The following CYYR1 variants were observed in gnomAD, a reference collection of about 807,000 sequenced individuals.
CYYR1 encodes the protein cysteine and tyrosine-rich protein 1.
In CYYR1, 14 loss-of-function variants were observed where a neutral mutation model predicts 15.2. The ratio of observed to expected loss-of-function variants is 0.92; its 90% CI spans 0.61 to 1.44. The LOEUF (loss-of-function observed/expected upper bound fraction) is 1.44. Ranked by LOEUF, CYYR1 falls within the 40% of genes most tolerant of loss-of-function variation. The pLI is 0.00. For missense variants in CYYR1, 228 were observed against 209.5 expected (o/e 1.09, Z -0.54); for synonymous variants, 80 against 77.4 (o/e 1.03, Z -0.18).
intron 2 of CYYR1, among the ~76,000 whole-genome samples, chr21:26,513,767 A>T (rs1235081276): frequency 6.6e-6 from 1 of 152,012 alleles, no homozygotes; most frequent in African/African-American, 2.4e-5. Context: ...CTGGGGCAAA[A>T]GTCCAAAGAG....
At chr21:26,469,842 C>A (rs2065013333) in intron 3 of CYYR1, among the ~76,000 whole-genome samples, 2 of 152,078 alleles carry the variant, frequency 1.3e-5, no homozygotes, top group African/African-American at 4.8e-5. Context: ...GATGACTATA[C>A]ATAAAAGTCT....
chr21:26,566,146 G>A (rs975051632), intron 2 of CYYR1, 120 bp downstream of exon 2: 2 of 686,758 alleles, frequency 2.9e-6, no homozygotes, highest in East Asian at 2.7e-5. Flanking sequence ...AAGATTTCAT[G>A]TCAATAACCA....
intron 2 of CYYR1, among the ~76,000 whole-genome samples, chr21:26,547,779 C>CTTTTT (rs11298777): frequency 7.0e-6 from 1 of 143,412 alleles, no homozygotes; most frequent in Non-Finnish European, 1.5e-5. Flanking sequence ...TCTATTTCTA[C>CTTTTT]TTTTTTTTTT....
intron 2 of CYYR1, among the ~76,000 whole-genome samples, chr21:26,539,968 G>A (rs1023597639): frequency 7.9e-5 from 12 of 152,136 alleles, no homozygotes; most frequent in African/African-American, 2.2e-4. Flanking sequence ...TAATATAAAA[G>A]TAAGAGGAGA....
chr21:26,495,739 C>T (rs951045302), intron 2 of CYYR1, among the ~76,000 whole-genome samples: 8 of 152,168 alleles, frequency 5.3e-5, no homozygotes, highest in African/African-American at 1.7e-4. Context: ...GGCTAAGCCA[C>T]AGAGATTTCA....
intron 3 of CYYR1, chr21:26,477,642 A>G: frequency 5.6e-6 from 4 of 708,822 alleles, no homozygotes; most frequent in Non-Finnish European, 6.9e-6. Flanking sequence ...TAAAATATTG[A>G]ACATTTTATA....
intron 2 of CYYR1, among the ~76,000 whole-genome samples, chr21:26,536,886 C>G (rs557845916): frequency 4.6e-5 from 7 of 152,286 alleles, no homozygotes; most frequent in Admixed American, 2.0e-4. Flanking sequence ...TTCACTGATT[C>G]AATAAACATT....
At chr21:26,503,801 C>G (rs1268052362) in intron 2 of CYYR1, 1 of 152,032 alleles carries the variant, frequency 6.6e-6, no homozygotes, top group South Asian at 2.1e-4. Context: ...GGGAAAAATA[C>G]CTTTGAAAAA....
chr21:26,565,877 T>C (rs1384163083), intron 2 of CYYR1, among the ~76,000 whole-genome samples: 1 of 152,194 alleles, frequency 6.6e-6, no homozygotes, highest in Non-Finnish European at 1.5e-5. Flanking sequence ...TAATACATGA[T>C]GACAAAATAA....
At chr21:26,526,458 C>T (rs1336815986) in intron 2 of CYYR1, among the ~76,000 whole-genome samples, 2 of 151,548 alleles carry the variant, frequency 1.3e-5, no homozygotes, top group African/African-American at 2.4e-5. Context: ...CACCCCCCAA[C>T]AACAACAACA....
chr21:26,525,277 A>C (rs2065849532), intron 2 of CYYR1, among the ~76,000 whole-genome samples: 2 of 151,810 alleles, frequency 1.3e-5, no homozygotes, highest in African/African-American at 2.4e-5. Flanking sequence ...TATGTCTTTA[A>C]GAATATTAAA....
chr21:26,485,706 T>C (rs1327910935), intron 2 of CYYR1, among the ~76,000 whole-genome samples: 1 of 152,128 alleles, frequency 6.6e-6, no homozygotes, highest in Non-Finnish European at 1.5e-5. Flanking sequence ...ATAACACACT[T>C]TGTTTAACCA....
intron 2 of CYYR1, among the ~76,000 whole-genome samples, chr21:26,481,644 G>T (rs2065182357): frequency 6.6e-6 from 1 of 151,986 alleles, no homozygotes; most frequent in African/African-American, 2.4e-5. Flanking sequence ...GGGCATTTAG[G>T]TTGATTCCAT....
chr21:26,500,039 C>G (rs2065459210), intron 2 of CYYR1, among the ~76,000 whole-genome samples: 2 of 152,040 alleles, frequency 1.3e-5, no homozygotes, highest in Admixed American at 6.5e-5. Flanking sequence ...AGTCCAAGAT[C>G]AAGGTGCTGG....
Position 26,538,220 on chromosome 21 carries a change from C to T in CYYR1, c.176+28046G>A, listed in dbSNP as rs1359041026. Reference sequence around the variant, plus strand: ...GTGGGTGATGACATTGCAGTGAAGTCATAGTGTGCAGAAGTGGAAGTTGGA... The same window carrying T: ...GTGGGTGATGACATTGCAGTGAAGTTATAGTGTGCAGAAGTGGAAGTTGGA... On this transcript the variant is annotated intron_variant, in intron 2 of 3. Coordinates refer to ENST00000652641, the MANE Select transcript of CYYR1 (RefSeq NM_001320768.2). Among the ~76,000 whole-genome samples, 5 of 152,134 alleles carry T rather than the reference C, an allele frequency of 3.3e-5. No homozygotes were observed. In the East Asian group the frequency reaches 5.8e-4, roughly 18 times the overall value.
intron 2 of CYYR1, among the ~76,000 whole-genome samples, chr21:26,536,261 G>A (rs760202137): frequency 1.3e-5 from 2 of 152,158 alleles, no homozygotes. Flanking sequence ...CATGATATTT[G>A]GTGGAGACAC....
At chr21:26,473,915 G>A (rs2065067377) in intron 3 of CYYR1, among the ~76,000 whole-genome samples, 1 of 151,982 alleles carries the variant, frequency 6.6e-6, no homozygotes, top group Non-Finnish European at 1.5e-5. Context: ...CCACCTATAG[G>A]GCCAGGAGGT....
At chr21:26,547,474 G>A (rs1036038682) in intron 2 of CYYR1, among the ~76,000 whole-genome samples, 10 of 152,208 alleles carry the variant, frequency 6.6e-5, no homozygotes, top group African/African-American at 2.2e-4. Context: ...TGTTCTTCAA[G>A]CCCATTTAAT....
At chr21:26,473,369 C>T (rs911938939) in intron 3 of CYYR1, among the ~76,000 whole-genome samples, 2 of 152,086 alleles carry the variant, frequency 1.3e-5, no homozygotes, top group Non-Finnish European at 2.9e-5. Context: ...CAATACTGCC[C>T]ATTTATCCTC....
Sources: gnomAD v4.1 joint callset for allele counts (sites outside exome capture counted in the v4.1 genomes callset) on GRCh38, gnomAD v4.1.1 for gene constraint, MANE v1.5 for transcripts, NCBI Gene and HGNC (gene_info 2026-07-23, HGNC 2026-07-21) for gene names.